Variants in SV2C observed in about 807,000 individuals in gnomAD.
SV2C encodes the protein solute carrier family 22 member B3.
SV2C carries 49 observed loss-of-function variants against 79.7 expected under a neutral mutation model. The ratio of observed to expected loss-of-function variants is 0.61; its 90% confidence interval spans 0.49 to 0.78. The LOEUF is 0.78. Among genes scored for constraint, SV2C ranks in the 30% least tolerant of loss-of-function variants. SV2C has a pLI of 0.00. For synonymous variants in SV2C, 334 were observed against 333.2 expected (o/e 1.00, Z -0.03); for missense variants, 833 against 912.9 (o/e 0.91, Z 1.13).
chr5:76,228,078 C>CT (rs1293979737), intron 4 of SV2C, among the ~76,000 whole-genome samples: 1 of 152,090 alleles, frequency 6.6e-6, no homozygotes, highest in African/African-American at 2.4e-5. Flanking sequence ...CTTTCTCTCT[C>CT]TTTTTTTCTA....
At chr5:76,120,371 A>C (rs1170862871) in intron 1 of SV2C, among the ~76,000 whole-genome samples, 2 of 122,004 alleles carry the variant, frequency 1.6e-5, no homozygotes, top group Non-Finnish European at 3.5e-5. Flanking sequence ...CTCTTTTTTT[A>C]TTATTATTAT....
chr5:76,015,967 C>T, the SV2C span, among the ~76,000 whole-genome samples: 1 of 151,780 alleles, frequency 6.6e-6, no homozygotes, highest in African/African-American at 2.4e-5. Flanking sequence ...GTTTTGGAGT[C>T]TGTATTAAAT....
chr5:76,149,789 T>A (rs1749546427), intron 2 of SV2C, among the ~76,000 whole-genome samples: 1 of 152,242 alleles, frequency 6.6e-6, no homozygotes, highest in South Asian at 2.1e-4. Flanking sequence ...TGGGGGGACA[T>A]CTGTCCCTAA....
At chr5:76,185,991 T>G (rs1743903184) in intron 2 of SV2C, among the ~76,000 whole-genome samples, 1 of 152,204 alleles carries the variant, frequency 6.6e-6, no homozygotes, top group Non-Finnish European at 1.5e-5. Context: ...TTCCACCAGA[T>G]ACCCTAAATC....
At chr5:76,146,689 TAC>T (rs1749433259) in intron 2 of SV2C, among the ~76,000 whole-genome samples, 1 of 151,590 alleles carries the variant, frequency 6.6e-6, no homozygotes, top group South Asian at 2.1e-4. Flanking sequence ...AGCCTCATTT[TAC>T]CCAGCTCCTA....
the SV2C span, among the ~76,000 whole-genome samples, chr5:76,061,788 G>A: frequency 6.6e-6 from 1 of 152,042 alleles, no homozygotes; most frequent in Non-Finnish European, 1.5e-5. Context: ...TAAACTTTAT[G>A]CTACTGTGTT....
the SV2C span, among the ~76,000 whole-genome samples, chr5:75,855,315 C>T: frequency 6.6e-6 from 1 of 151,958 alleles, no homozygotes; most frequent in Non-Finnish European, 1.5e-5. Context: ...TTTTTAATTG[C>T]TTGAAGAGAG....
intron 2 of SV2C, among the ~76,000 whole-genome samples, chr5:76,187,659 C>T (rs2112313480): frequency 6.6e-6 from 1 of 151,804 alleles, no homozygotes; most frequent in South Asian, 2.1e-4. Context: ...ACATAATGGC[C>T]CCTACTTGTG....
At chr5:76,218,090 C>A (rs2096631242) in intron 4 of SV2C, among the ~76,000 whole-genome samples, 1 of 152,216 alleles carries the variant, frequency 6.6e-6, no homozygotes, top group Non-Finnish European at 1.5e-5. Flanking sequence ...TTGTTAACAG[C>A]ATGGGCTTAG....
rs34569063 is a variant in SV2C at position 76,146,797 on chromosome 5, TAAAAAAA to T, written c.580+14484_580+14490del. The stretch of plus-strand genomic sequence containing the variant: ...GATGATAAAGGAATGAGTTTTTTTT[TAAAAAAA>T]AAAAAAAAAAAAAAAAGCCAAACAA... On this transcript the variant is annotated intron_variant, in intron 2 of 12. Coordinates refer to ENST00000502798, the MANE Select transcript of SV2C (RefSeq NM_014979.4). Among the ~76,000 whole-genome samples, 108 of 39,348 alleles carry T rather than the reference TAAAAAAA, an allele frequency of 2.7e-3. 1 individual carries two copies. In the East Asian group the frequency reaches 0.066, roughly 24 times the overall value. 25.8% of individuals were successfully genotyped at this position (39,348 alleles called of 152,430 possible). A position where few individuals can be genotyped will look rare whatever the true frequency, so the allele number is the denominator to read the frequency against.
intron 2 of SV2C, among the ~76,000 whole-genome samples, chr5:76,139,742 T>C (rs930654886): frequency 3.3e-5 from 5 of 151,990 alleles, no homozygotes; most frequent in Admixed American, 6.6e-5. Flanking sequence ...TCAATTGGTA[T>C]ACTGGACGAA....
rs367856359 is a variant in SV2C at position 76,309,181 on chromosome 5, C to T, written c.2000+7636C>T. ...AAGTCATGAAGACTCTTTCACATTG[C>T]CTTATTGTGTGGGGACGGGGAGACT... On this transcript the variant is annotated intron_variant, in intron 12 of 12. Coordinates refer to ENST00000502798, the MANE Select transcript of SV2C (RefSeq NM_014979.4). Among the ~76,000 whole-genome samples, 9 of 152,114 alleles carry T rather than the reference C, an allele frequency of 5.9e-5. No individual in the cohort carries two copies. In the East Asian group the frequency reaches 7.7e-4, roughly 13 times the overall value.
chr5:75,963,147 G>A, the SV2C span, among the ~76,000 whole-genome samples: 1 of 152,096 alleles, frequency 6.6e-6, no homozygotes, highest in Admixed American at 6.6e-5. Flanking sequence ...TCTAGAGAGT[G>A]AACGTCTTTC....
At chr5:76,158,677 C>G (rs1742812201) in intron 2 of SV2C, among the ~76,000 whole-genome samples, 1 of 151,882 alleles carries the variant, frequency 6.6e-6, no homozygotes, top group Non-Finnish European at 1.5e-5. Flanking sequence ...AAGGCATGAA[C>G]AACACTAAAA....
the SV2C span, among the ~76,000 whole-genome samples, chr5:76,059,588 C>G: frequency 7.6e-4 from 116 of 151,908 alleles, 4 homozygotes; most frequent in Non-Finnish European, 3.8e-4. Context: ...GGCTCCACTT[C>G]TAATTGTAAT....
rs1291732212 is a variant in SV2C, at chr5:76,119,867, C to T, written c.-101-11783C>T. 6.6e-5 allele frequency among the ~76,000 whole-genome samples: 10 copies of T among 152,146 alleles called. No individual in the cohort carries two copies. In the East Asian group the frequency reaches 1.2e-3, roughly 18 times the overall value. On this transcript the variant is annotated intron_variant, in intron 1 of 12. Transcript: ENST00000502798. ...ATTTTTCACTCTTAAAAATTATTAA[C>T]GATGAAAGAGATTTTATTTTATGGG...
At chr5:76,071,314 A>G in the SV2C span, among the ~76,000 whole-genome samples, 6 of 152,330 alleles carry the variant, frequency 3.9e-5, no homozygotes, top group South Asian at 1.2e-3. Flanking sequence ...CGCACCGAGC[A>G]GGAGTTATAA....
At chr5:76,241,018 G>A (rs565867809) in intron 4 of SV2C, among the ~76,000 whole-genome samples, 4 of 151,904 alleles carry the variant, frequency 2.6e-5, no homozygotes, top group Non-Finnish European at 4.4e-5. Context: ...TGGCAGTGGC[G>A]TGATCTCAGC....
chr5:75,999,906 A>C, the SV2C span, among the ~76,000 whole-genome samples: 1 of 152,086 alleles, frequency 6.6e-6, no homozygotes, highest in Non-Finnish European at 1.5e-5. Context: ...CAGAGAGGCA[A>C]TATCTTTTAT....
Sources: gnomAD v4.1 joint callset for allele counts (sites outside exome capture counted in the v4.1 genomes callset) on GRCh38, gnomAD v4.1.1 for gene constraint, MANE v1.5 for transcripts, NCBI Gene and HGNC (gene_info 2026-07-23, HGNC 2026-07-21) for gene names.